NRAP: variants seen among roughly 807,000 people sequenced by gnomAD.
The protein encoded by NRAP is nebulin-related-anchoring protein.
A neutral mutation model predicts 225.9 loss-of-function variants in NRAP; 189 were observed. The observed-to-expected ratio is 0.84, with a 90% CI of 0.74 to 0.94. The LOEUF (loss-of-function observed/expected upper bound fraction) is 0.94, where lower values mean the gene tolerates loss of function less well. Ranked by LOEUF, NRAP falls within the 40% of genes least tolerant of loss-of-function variation. The pLI, the probability that NRAP is intolerant of heterozygous loss-of-function variation, is 0.00. For missense variants in NRAP, 2,176 were observed against 2,168.7 expected (o/e 1.00, Z -0.07); for synonymous variants, 769 against 790.7 (o/e 0.97, Z 0.46).
rs1259471163 is a variant in NRAP, at chr10:113,595,617, A to G, written c.4536+6T>C. The G allele has an allele frequency of 6.3e-7, 1 of 1,578,130 alleles. No individual in the cohort carries two copies. Among genetic ancestry groups the G allele is most frequent in the East Asian group, 2.2e-5 (1 of 44,708 alleles). ...CACACGTTCCATGAACCACCAGTTC[A>G]CTTACGTCACTCAGATGCAGCGCAT... On this transcript the variant is annotated splice_donor_region_variant and intron_variant, in intron 38 of 41. Transcript: ENST00000359988.
chr10:113,607,419 A>AG (rs1847053203), intron 32 of NRAP, among the ~76,000 whole-genome samples: 1 of 115,558 alleles, frequency 8.7e-6, no homozygotes, highest in African/African-American at 2.9e-5. Context: ...AAAAAAAAAA[A>AG]AAAAAAAAAA....
intron 29 of NRAP, 119 bp from the exon 30 acceptor site, chr10:113,612,550 G>A: frequency 1.3e-6 from 1 of 764,086 alleles, no homozygotes; most frequent in Non-Finnish European, 2.2e-6. Context: ...GTTCTTGGCA[G>A]GGCCAGTGCT....
At chr10:113,607,359 A>C (rs1448334662) in intron 32 of NRAP, among the ~76,000 whole-genome samples, 1 of 134,666 alleles carries the variant, frequency 7.4e-6, no homozygotes, top group Non-Finnish European at 1.5e-5. Context: ...CTGAGATAGC[A>C]CCACTGCACT....
chr10:113,621,966 G>A lies in NRAP; in HGVS notation c.2672C>T (p.Thr891Ile). ...TTCCGCTGTCTTGTAGCCTACGTCT[G>A]TGGCTAAATGCTGAGCTTTGCGGGC... ...VHARKAQHLATDVGYKTAEHH... is the reference protein window; with the variant it reads ...VHARKAQHLAIDVGYKTAEHH... The change falls in exon 24 of 42, where the codon ACA becomes ATA. Residue 891 changes from threonine (T) to isoleucine (I), a missense_variant. Transcript: ENST00000359988. 1 of 1,614,206 alleles carries A rather than the reference G, an allele frequency of 6.2e-7. No individual in the cohort carries two copies. Among genetic ancestry groups the A allele is most frequent in the Middle Eastern group, 1.6e-4 (1 of 6,062 alleles).
chr10:113,635,082 ACCT>A (rs1470756936), intron 14 of NRAP, among the ~76,000 whole-genome samples: 1 of 152,206 alleles, frequency 6.6e-6, no homozygotes, highest in Non-Finnish European at 1.5e-5. Flanking sequence ...CCTGGTTCCC[ACCT>A]CAAGACATCA....
chr10:113,629,479 C>T lies in NRAP; in HGVS notation c.2040+109G>A. On this transcript the variant is annotated intron_variant, in intron 19 of 41. Coordinates refer to ENST00000359988, the MANE Select transcript of NRAP (RefSeq NM_198060.4). ...CCCTGGTACATTTCCTGCAGTTCTT[C>T]CTAGTCTTCCAAGTTATGTAATAGA... The T allele has an allele frequency of 9.2e-6, 7 of 764,600 alleles. No individual in the cohort carries two copies. In the South Asian group the frequency reaches 1.0e-4, roughly 11 times the overall value. 47.4% of individuals were successfully genotyped at this position (764,600 alleles called of 1,614,324 possible).
At chr10:113,651,315 C>T (rs1849951116) in intron 7 of NRAP, among the ~76,000 whole-genome samples, 1 of 152,180 alleles carries the variant, frequency 6.6e-6, no homozygotes, top group Non-Finnish European at 1.5e-5. Flanking sequence ...TGGCCTTCCT[C>T]ATTTCTCTCT....
intron 16 of NRAP, 145 bp downstream of exon 16, chr10:113,632,939 C>T: frequency 1.6e-6 from 1 of 638,538 alleles, no homozygotes; most frequent in East Asian, 2.8e-5. Flanking sequence ...CATGACATAG[C>T]AAAATTCAAA....
chr10:113,598,063 T>A lies in NRAP; in HGVS notation c.4238A>T (p.Lys1413Met). The A allele has an allele frequency of 3.1e-6, 5 of 1,612,632 alleles. No homozygotes were observed. Among genetic ancestry groups the A allele is most frequent in the Non-Finnish European group, 4.2e-6 (5 of 1,178,830 alleles). Residue 1413 changes from lysine to methionine, a missense_variant, in exon 36 of 42, where the codon AAG becomes ATG. By Grantham distance (95) the Lys-to-Met change is moderately conservative. Around this residue, in one of 3 missense-constraint regions of NRAP, gnomAD observed 445 missense variants for 426.1 expected, o/e 1.04. Transcript: ENST00000359988. ...AHALQSELRY[K>M]SDLIGMKGIG... is the part of the protein sequence containing the mutation. ...GCCCTTCATGCCGATCAGGTCTGAC[T>A]TGTAGCGCAACTGCAGGGAAAAAAA...
intron 13 of NRAP, 135 bp downstream of exon 13, chr10:113,641,230 C>G (rs1849182356): frequency 1.8e-6 from 1 of 549,122 alleles, no homozygotes; most frequent in Non-Finnish European, 3.2e-6. Flanking sequence ...TTTAGAAACT[C>G]TTTTGGGTCA....
chr10:113,591,812 G>T (rs1158782163), intron 39 of NRAP, among the ~76,000 whole-genome samples: 1 of 152,206 alleles, frequency 6.6e-6, no homozygotes, highest in Non-Finnish European at 1.5e-5. Flanking sequence ...ACTGAGCCAG[G>T]ATTTGAACTT....
At position 113,592,133 on chromosome 10, in the gene NRAP, G is replaced by A. The variant is rs565999826; in HGVS notation, c.4644+61C>T. 4.0e-4 allele frequency: 428 copies of A among 1,075,744 alleles called. 1 individual carries two copies. Among genetic ancestry groups the A allele is most frequent in the Non-Finnish European group, 5.4e-4 (395 of 728,594 alleles). 66.6% of individuals were successfully genotyped at this position (1,075,744 alleles called of 1,614,324 possible). On this transcript the variant is annotated intron_variant, in intron 39 of 41. Coordinates refer to ENST00000359988, the MANE Select transcript of NRAP (RefSeq NM_198060.4). ...GGTCCTGGTGGTTTGCCTTTCAACA[G>A]AACTGGGAAAACCAGAGAAAAACTC...
intron 30 of NRAP, 120 bp from the exon 31 acceptor site, chr10:113,610,683 T>C: frequency 1.6e-6 from 1 of 639,610 alleles, no homozygotes; most frequent in Non-Finnish European, 2.8e-6. Context: ...AACTCAAGGC[T>C]GAACCCGTCC....
intron 3 of NRAP, among the ~76,000 whole-genome samples, chr10:113,658,933 C>T (rs184711294): frequency 7.3e-5 from 11 of 150,484 alleles, no homozygotes; most frequent in Admixed American, 6.0e-4. Flanking sequence ...TTTTTACAAG[C>T]TGAAGTTTAA....
chr10:113,619,787 A>G (rs1318523514), intron 25 of NRAP, among the ~76,000 whole-genome samples: 1 of 152,082 alleles, frequency 6.6e-6, no homozygotes, highest in Non-Finnish European at 1.5e-5. Context: ...CCTGCAAGCA[A>G]ACATAAAGAG....
chr10:113,617,486 T>C lies in NRAP; in HGVS notation c.2942A>G (p.Gln981Arg), dbSNP rs758341830. ...TGCTTGGGTATAACTAATTCTGGCCTGGACCATCTCCGGAGTGTCTTTAAT... is the reference window on the plus strand; with the variant it reads ...TGCTTGGGTATAACTAATTCTGGCCCGGACCATCTCCGGAGTGTCTTTAAT... ...TSIKDTPEMV[Q>R]ARISYTQAVD... Residue 981 changes from glutamine (Q) to arginine (R), a missense_variant, in exon 26 of 42, where the codon CAG (glutamine) becomes CGG (arginine). Physicochemically the swap from Gln to Arg is conservative, Grantham distance 43 (BLOSUM62 1). Around this residue, in one of 3 missense-constraint regions of NRAP, gnomAD observed 1,708 missense variants for 1,695.5 expected, o/e 1.01. Coordinates refer to ENST00000359988, the MANE Select transcript of NRAP (RefSeq NM_198060.4). 6.2e-7 allele frequency: 1 copy of C among 1,610,796 alleles called. No homozygotes were observed. Among genetic ancestry groups the C allele is most frequent in the Admixed American group, 1.7e-5 (1 of 60,012 alleles).
Position 113,624,908 on chromosome 10 carries a change from T to C in NRAP, c.2267A>G (p.Glu756Gly), listed in dbSNP as rs1268953855. 1.2e-6 allele frequency: 2 copies of C among 1,613,876 alleles called. No individual in the cohort carries two copies. Among genetic ancestry groups the C allele is most frequent in the Non-Finnish European group, 1.7e-6 (2 of 1,179,816 alleles). The stretch of plus-strand genomic sequence containing the variant: ...GATGGTATACTGATGGACAGACTGC[T>C]CATTTCCTGCCTTGTAGGCCACCTG... ...QSGVAYKAGNEQSVHQYTISK... is the reference protein window; with the variant it reads ...QSGVAYKAGNGQSVHQYTISK... Residue 756 changes from glutamate (E) to glycine (G), a missense_variant, in exon 22 of 42, where the codon GAG (glutamate) becomes GGG (glycine). By Grantham distance (98) the Glu-to-Gly change is moderately conservative (BLOSUM62 -2). This residue lies in a region of NRAP where 1,708 missense variants were observed against 1,695.5 expected (regional missense o/e 1.01). Transcript: ENST00000359988.
intron 36 of NRAP, 37 bp downstream of exon 36, chr10:113,597,932 G>T: frequency 7.3e-7 from 1 of 1,371,202 alleles, no homozygotes; most frequent in Non-Finnish European, 1.0e-6. Context: ...ATGCTAGCTT[G>T]CCCTTGTCAC....
intron 31 of NRAP, among the ~76,000 whole-genome samples, chr10:113,609,864 C>A (rs987184658): frequency 1.3e-5 from 2 of 151,828 alleles, no homozygotes; most frequent in African/African-American, 2.4e-5. Context: ...GAGAGAATAT[C>A]GCATGGGCCA....
Sources: gnomAD v4.1 joint callset for allele counts (sites outside exome capture counted in the v4.1 genomes callset) on GRCh38, gnomAD v4.1.1 for gene constraint, gnomAD v4.1.1 regional missense constraint, MANE v1.5 for transcripts, NCBI Gene and HGNC (gene_info 2026-07-23, HGNC 2026-07-21) for gene names.